Variants in CD226 observed in about 807,000 individuals in gnomAD.
The protein encoded by CD226 is CD226 antigen.
CD226 carries 24 observed loss-of-function variants against 34.9 expected under a neutral mutation model. That is an observed-to-expected ratio of 0.69 (90% confidence interval 0.50 to 0.97). The LOEUF (loss-of-function observed/expected upper bound fraction) is 0.97, where lower values mean the gene tolerates loss of function less well. Among genes scored for constraint, CD226 ranks in the 50% least tolerant of loss-of-function variants. CD226 has a pLI of 0.00. For synonymous variants in CD226, 148 were observed against 147.4 expected, an observed-to-expected ratio of 1.00 and a Z score of -0.03; for missense variants, 397 against 412.7, an observed-to-expected ratio of 0.96 and a Z score of 0.33.
intron 1 of CD226, among the ~76,000 whole-genome samples, chr18:69,954,505 AAC>A: frequency 6.6e-6 from 1 of 152,068 alleles, no homozygotes; most frequent in Non-Finnish European, 1.5e-5. Context: ...AGGCATCTGC[AAC>A]ACCGTGCTGC....
In CD226 at chr18:69,946,807, A is replaced by C. The variant is rs755510551; in HGVS notation, c.309T>G (p.Val103=). 1 of 1,614,208 alleles carries C rather than the reference A, an allele frequency of 6.2e-7. No individual in the cohort carries two copies. The highest frequency in any genetic ancestry group is 1.1e-5 in the South Asian group (1 of 91,084). Residue 103 remains valine, a synonymous_variant, in exon 2 of 6, where the codon GTT becomes GTG. Coordinates refer to ENST00000582621, the MANE Select transcript of CD226 (RefSeq NM_001303618.2). ...TGTAAAGAGAGCAGGAATAGTAGCC[A>C]ACATCATCTTCAGAGGCATTCCGAA... ...LFFRNASEDD[V]GYYSCSLYTY...
At chr18:69,940,657 G>C (rs1283448625) in intron 2 of CD226, among the ~76,000 whole-genome samples, 1 of 152,148 alleles carries the variant, frequency 6.6e-6, no homozygotes, top group Non-Finnish European at 1.5e-5. Context: ...AGATAATTTA[G>C]GGTATCTGGC....
chr18:69,941,124 C>T (rs763675462), intron 2 of CD226, among the ~76,000 whole-genome samples: 13 of 152,254 alleles, frequency 8.5e-5, no homozygotes, highest in Non-Finnish European at 1.8e-4. Flanking sequence ...GAACCTCTGC[C>T]TAGACTTCAG....
intron 2 of CD226, among the ~76,000 whole-genome samples, chr18:69,943,541 A>G (rs1028446522): frequency 6.6e-6 from 1 of 152,246 alleles, no homozygotes; most frequent in Non-Finnish European, 1.5e-5. Context: ...TATTCAGAAT[A>G]AGATGTCCTG....
chr18:69,896,138 T>TACC, intron 2 of CD226, 93 bp from the exon 3 acceptor site: 1 of 1,470,518 alleles, frequency 6.8e-7, no homozygotes. Context: ...TTGGTGATGT[T>TACC]ACCTAACACA....
intron 2 of CD226, among the ~76,000 whole-genome samples, chr18:69,912,342 G>A (rs749793812): frequency 1.2e-4 from 18 of 152,300 alleles, no homozygotes; most frequent in Non-Finnish European, 2.4e-4. Context: ...CTTCTTACAG[G>A]AAGAAATTAG....
At chr18:69,942,919 C>G (rs954590785) in intron 2 of CD226, among the ~76,000 whole-genome samples, 1 of 152,212 alleles carries the variant, frequency 6.6e-6, no homozygotes, top group African/African-American at 2.4e-5. Context: ...CCCGGCCTCT[C>G]TAATTAAAAT....
At chr18:69,933,919 A>T (rs1464691427) in intron 2 of CD226, among the ~76,000 whole-genome samples, 3 of 152,250 alleles carry the variant, frequency 2.0e-5, no homozygotes, top group Non-Finnish European at 4.4e-5. Flanking sequence ...TATAGGATTT[A>T]AAGAGAATAA....
intron 2 of CD226, among the ~76,000 whole-genome samples, chr18:69,913,521 T>A (rs903057496): frequency 1.3e-5 from 2 of 152,242 alleles, no homozygotes; most frequent in African/African-American, 4.8e-5. Context: ...AGAATTTTAT[T>A]AATCTATGTT....
chr18:69,948,988 G>A (rs2055823612), upstream of CD226, among the ~76,000 whole-genome samples: 1 of 152,172 alleles, frequency 6.6e-6, no homozygotes, highest in Non-Finnish European at 1.5e-5. Flanking sequence ...TTGTGGAAAA[G>A]GTTTTATAGA....
At chr18:69,921,589 A>G (rs1049507165) in intron 2 of CD226, among the ~76,000 whole-genome samples, 1 of 152,206 alleles carries the variant, frequency 6.6e-6, no homozygotes, top group Non-Finnish European at 1.5e-5. Flanking sequence ...AGGCCGAGCC[A>G]CAAGGCAGAA....
At chr18:69,919,177 G>A (rs2055421132) in intron 2 of CD226, among the ~76,000 whole-genome samples, 1 of 152,206 alleles carries the variant, frequency 6.6e-6, no homozygotes, top group African/African-American at 2.4e-5. Context: ...TGCGTCCAAT[G>A]AGTACTGGAT....
upstream of CD226, chr18:69,947,922 C>T (rs1391602950): frequency 6.6e-6 from 1 of 152,178 alleles, no homozygotes; most frequent in Non-Finnish European, 1.5e-5. Context: ...GGAGCCTACG[C>T]CCAGCGCTGA....
At chr18:69,899,596 C>T (rs1048143011) in intron 2 of CD226, among the ~76,000 whole-genome samples, 1 of 152,142 alleles carries the variant, frequency 6.6e-6, no homozygotes, top group African/African-American at 2.4e-5. Flanking sequence ...AGGAAAACGA[C>T]CCCATTAAAA....
At chr18:69,903,193 C>T (rs745433585) in intron 2 of CD226, among the ~76,000 whole-genome samples, 1 of 152,112 alleles carries the variant, frequency 6.6e-6, no homozygotes, top group Middle Eastern at 3.2e-3. Context: ...TCCAAGGATG[C>T]CTTTGCCTGC....
rs749913697 is a variant in CD226, at chr18:69,895,887, A to C, written c.541T>G (p.Leu181Val). 5 of 1,614,136 alleles carry C rather than the reference A, an allele frequency of 3.1e-6. No individual in the cohort carries two copies. The South Asian group carries it at 4.4e-5, about 14-fold the overall frequency. Residue 181 changes from leucine (L) to valine (V), a missense_variant, in exon 3 of 6, where the codon TTG becomes GTG. By Grantham distance (32) the Leu-to-Val change is conservative (BLOSUM62 1). Coordinates refer to ENST00000582621, the MANE Select transcript of CD226 (RefSeq NM_001303618.2). ...RQIDLLTYCN[L>V]VHGRNFTSKF... ...GAGGTGAAATTTCTGCCATGGACCAAGTTGCAGTAAGTTAAGAGGTCGATC... is the reference window on the plus strand; with the variant it reads ...GAGGTGAAATTTCTGCCATGGACCACGTTGCAGTAAGTTAAGAGGTCGATC...
In CD226 at chr18:69,862,445, C is replaced by T. The variant is rs1982877189; in HGVS notation, c.*1869G>A. 1 of 152,142 alleles carries T rather than the reference C, an allele frequency of 6.6e-6. No individual in the cohort carries two copies. The highest frequency in any genetic ancestry group is 6.6e-5 in the Admixed American group (1 of 15,264). 9.4% of individuals were successfully genotyped at this position (152,142 alleles called of 1,614,324 possible). A position where few individuals can be genotyped will look rare whatever the true frequency, so the allele number is the denominator to read the frequency against. On this transcript the variant is annotated 3_prime_UTR_variant, in exon 6 of 6. Coordinates refer to ENST00000582621, the MANE Select transcript of CD226 (RefSeq NM_001303618.2). ...TGATAGTAGAGTGCTTTCTTGTAAA[C>T]TGCCTTTCAAGTTTGTTACACTAAT...
At chr18:69,933,145 T>C (rs2055609038) in intron 2 of CD226, among the ~76,000 whole-genome samples, 1 of 152,160 alleles carries the variant, frequency 6.6e-6, no homozygotes, top group African/African-American at 2.4e-5. Context: ...TCTGCCTGCT[T>C]TTGTGCCTCC....
At chr18:69,948,678 T>C (rs1272901056), upstream of CD226, among the ~76,000 whole-genome samples, 1 of 152,242 alleles carries the variant, frequency 6.6e-6, no homozygotes, top group East Asian at 1.9e-4. Context: ...TTCACATCTA[T>C]GATATTATTT....
Sources: allele counts gnomAD v4.1 joint callset (sites outside exome capture counted in the v4.1 genomes callset), GRCh38; gene constraint gnomAD v4.1.1; transcripts MANE v1.5; gene names NCBI Gene and HGNC (gene_info 2026-07-23, HGNC 2026-07-21).